The following NHSL1 variants were observed in gnomAD, a reference collection of about 807,000 sequenced individuals.
NHSL1 encodes NHS-like protein 1.
NHSL1 carries 48 observed loss-of-function variants against 95.0 expected under a neutral mutation model. The ratio of observed to expected loss-of-function variants is 0.51; its 90% confidence interval spans 0.40 to 0.64. The LOEUF (loss-of-function observed/expected upper bound fraction) is 0.64, where lower values mean the gene tolerates loss of function less well. Ranked by LOEUF, NHSL1 falls within the 30% of genes least tolerant of loss-of-function variation. The probability of loss-of-function intolerance (pLI) is 0.00; values close to 1 mark genes in which losing one functional copy is unlikely to be tolerated. For missense variants in NHSL1, 1,971 were observed against 2,077.7 expected, an observed-to-expected ratio of 0.95 and a Z score of 1.00; for synonymous variants, 783 against 833.9, an observed-to-expected ratio of 0.94 and a Z score of 1.05.
intron 1 of NHSL1, among the ~76,000 whole-genome samples, chr6:138,507,317 C>A (rs1402689684): frequency 5.3e-5 from 8 of 152,154 alleles, no homozygotes; most frequent in African/African-American, 1.4e-4. Flanking sequence ...GAAGAAAAAG[C>A]AAAAGCAATC....
intron 1 of NHSL1, among the ~76,000 whole-genome samples, chr6:138,587,769 T>C (rs1247519901): frequency 6.6e-6 from 1 of 151,684 alleles, no homozygotes; most frequent in South Asian, 2.1e-4. Flanking sequence ...AAGCTTCCCA[T>C]GGAACATGCC....
chr6:138,609,749 C>CAAAAAAAAAAAAA (rs10687521), intron 1 of NHSL1, among the ~76,000 whole-genome samples: 5 of 106,248 alleles, frequency 4.7e-5, no homozygotes, highest in African/African-American at 1.8e-4. Flanking sequence ...GACTCTGTCT[C>CAAAAAAAAAAAAA]AAAAAAAAAA....
intron 7 of NHSL1, among the ~76,000 whole-genome samples, chr6:138,428,137 C>G (rs1272140193): frequency 6.6e-6 from 1 of 152,164 alleles, no homozygotes. Context: ...GTTGGGTTTC[C>G]TCACTGGAAC....
intron 1 of NHSL1, among the ~76,000 whole-genome samples, chr6:138,603,165 G>A (rs1412985909): frequency 6.6e-6 from 1 of 152,140 alleles, no homozygotes; most frequent in Non-Finnish European, 1.5e-5. Context: ...TATATTGAGA[G>A]GGGATTATTT....
intron 1 of NHSL1, chr6:138,650,951 T>G (rs1486445810): frequency 1.9e-6 from 1 of 531,894 alleles, no homozygotes; most frequent in South Asian, 1.4e-5. Context: ...GCTTGGCAGA[T>G]AGAGGACCTT....
chr6:138,486,573 C>G (rs1198009450), intron 2 of NHSL1, among the ~76,000 whole-genome samples: 1 of 152,154 alleles, frequency 6.6e-6, no homozygotes, highest in Non-Finnish European at 1.5e-5. Flanking sequence ...AGTAAAGCTT[C>G]CAAGCCTCAA....
At chr6:138,506,612 G>A (rs946255113) in intron 1 of NHSL1, among the ~76,000 whole-genome samples, 1 of 152,142 alleles carries the variant, frequency 6.6e-6, no homozygotes, top group African/African-American at 2.4e-5. Flanking sequence ...ACATTTAAAT[G>A]TAAGTGGGCA....
At chr6:138,440,159 C>T (rs912401380) in intron 5 of NHSL1, among the ~76,000 whole-genome samples, 21 of 152,150 alleles carry the variant, frequency 1.4e-4, no homozygotes, top group Non-Finnish European at 1.5e-5. Context: ...TCCTTGAAGT[C>T]ACATCTCCTA....
rs71009589 is a variant in NHSL1 at position 138,478,012 on chromosome 6, C to CTTTTTTTT, written c.212-4587_212-4580dup. Among the ~76,000 whole-genome samples the CTTTTTTTT allele has an allele frequency of 9.6e-3, 289 of 30,018 alleles. 18 individuals carry two copies. The highest frequency in any genetic ancestry group is 0.014 in the Admixed American group (25 of 1,796). 19.7% of individuals were successfully genotyped at this position (30,018 alleles called of 152,430 possible). ...TTTTTTCACCATGAAATTTATGTCACTTTTTTTTTTTTTTTTTTTTTTTTT... is the reference window on the plus strand; with the variant it reads ...TTTTTTCACCATGAAATTTATGTCACTTTTTTTTTTTTTTTTTTTTTTTTTTTTTTTTT... On this transcript the variant is annotated intron_variant, in intron 2 of 7. Transcript: ENST00000343505.
At chr6:138,621,197 G>T (rs961770981) in intron 1 of NHSL1, among the ~76,000 whole-genome samples, 2 of 152,150 alleles carry the variant, frequency 1.3e-5, no homozygotes, top group African/African-American at 4.8e-5. Flanking sequence ...GGTTAGTTTT[G>T]CTACAAATGG....
At chr6:138,675,797 G>C (rs762743757) in intron 1 of NHSL1, among the ~76,000 whole-genome samples, 3 of 152,140 alleles carry the variant, frequency 2.0e-5, no homozygotes, top group Non-Finnish European at 2.9e-5. Context: ...GCTTCCCAAA[G>C]TGCTGGGATT....
intron 5 of NHSL1, among the ~76,000 whole-genome samples, chr6:138,434,735 C>T (rs1178556678): frequency 6.6e-6 from 1 of 152,220 alleles, no homozygotes; most frequent in Non-Finnish European, 1.5e-5. Flanking sequence ...AAGCACACCC[C>T]TCTGTGTCAG....
intron 1 of NHSL1, among the ~76,000 whole-genome samples, chr6:138,641,577 C>T (rs966113968): frequency 7.0e-6 from 1 of 143,846 alleles, no homozygotes; most frequent in South Asian, 2.2e-4. Flanking sequence ...GAGCTGAGAT[C>T]GTGCCACCGC....
intron 1 of NHSL1, among the ~76,000 whole-genome samples, chr6:138,680,955 T>G (rs536868319): frequency 6.6e-6 from 1 of 152,304 alleles, no homozygotes; most frequent in African/African-American, 2.4e-5. Flanking sequence ...CTTAATCATC[T>G]CTTGGGAAGC....
intron 1 of NHSL1, among the ~76,000 whole-genome samples, chr6:138,570,886 C>A (rs1259889332): frequency 6.6e-6 from 1 of 152,242 alleles, no homozygotes; most frequent in Admixed American, 6.5e-5. Flanking sequence ...CCCTACTGGG[C>A]TTTGCCCACT....
chr6:138,624,939 A>G (rs1229543388), intron 1 of NHSL1, among the ~76,000 whole-genome samples: 1 of 152,220 alleles, frequency 6.6e-6, no homozygotes, highest in African/African-American at 2.4e-5. Context: ...ATAAAAGGCC[A>G]GAATTGATGA....
In NHSL1 at chr6:138,430,454, G is replaced by T. The variant is rs758209940; in HGVS notation, c.3891C>A (p.Ala1297=). 6.5e-7 allele frequency: 1 copy of T among 1,547,128 alleles called. No homozygotes were observed. The highest frequency in any genetic ancestry group is 1.4e-5 in the African/African-American group (1 of 73,064). The change falls in exon 6 of 8, where the codon GCC becomes GCA. Residue 1297 remains alanine, a synonymous_variant. Transcript: ENST00000343505. This position sits in a 1 kb window ranked among gnomAD's most constrained non-coding sequence, Gnocchi z 4.7. ...VSPAPKQEEP[A]ENSADTGGDG... ...CGCCCCCAGTATCCGCACTGTTCTC[G>T]GCTGGCTCCTCCTGCTTGGGGGCTG...
intron 7 of NHSL1, among the ~76,000 whole-genome samples, chr6:138,427,455 A>G (rs1775340350): frequency 6.6e-6 from 1 of 152,100 alleles, no homozygotes; most frequent in African/African-American, 2.4e-5. Flanking sequence ...AAAAGAAAAA[A>G]AAAAAAAGGA....
chr6:138,650,647 C>T, intron 1 of NHSL1: 1 of 567,614 alleles, frequency 1.8e-6, no homozygotes, highest in South Asian at 1.4e-5. Flanking sequence ...TCCTTGGCTT[C>T]CCATCCCACA....
Sources: allele counts gnomAD v4.1 joint callset (sites outside exome capture counted in the v4.1 genomes callset), GRCh38; gene constraint gnomAD v4.1.1; non-coding constraint Gnocchi (gnomAD v3.1); transcripts MANE v1.5; gene names NCBI Gene and HGNC (gene_info 2026-07-23, HGNC 2026-07-21).